LRRC37A3: variants seen among roughly 807,000 people sequenced by gnomAD.
LRRC37A3 encodes leucine-rich repeat-containing protein 37A3.
In LRRC37A3, 25 loss-of-function variants were observed where a neutral mutation model predicts 106.2. The ratio of observed to expected loss-of-function variants is 0.24; its 90% confidence interval spans 0.17 to 0.33. The LOEUF (loss-of-function observed/expected upper bound fraction) is 0.33, where lower values mean the gene tolerates loss of function less well. LRRC37A3 is among the 10% of genes least tolerant of loss of function. The probability of loss-of-function intolerance (pLI) is 1.00; values close to 1 mark genes in which losing one functional copy is unlikely to be tolerated. For missense variants in LRRC37A3, 712 were observed against 1,644.9 expected, an observed-to-expected ratio of 0.43 and a Z score of 9.81; for synonymous variants, 305 against 635.8, an observed-to-expected ratio of 0.48 and a Z score of 7.83.
In LRRC37A3 at chr17:64,919,206, T is replaced by C. The variant is rs867703665; in HGVS notation, c.-617+225A>G. Among the ~76,000 whole-genome samples, 1,410 of 151,688 alleles carry C rather than the reference T, an allele frequency of 9.3e-3. 24 individuals are homozygous for C. Among genetic ancestry groups the C allele is most frequent in the African/African-American group, 0.032 (1,339 of 41,354 alleles). ...CGGCGGCGGGGCCGGGGCGCAGCGCTCCGCAGAGGGAGCCGCGGGCTGCTT... is the reference window on the plus strand; with the variant it reads ...CGGCGGCGGGGCCGGGGCGCAGCGCCCCGCAGAGGGAGCCGCGGGCTGCTT... On this transcript the variant is annotated intron_variant, in intron 1 of 14. Coordinates refer to ENST00000584306, the MANE Select transcript of LRRC37A3 (RefSeq NM_199340.5).
Position 64,862,901 on chromosome 17 carries a change from A to G in LRRC37A3, c.3171T>C (p.Cys1057=). 2 of 1,599,248 alleles carry G rather than the reference A, an allele frequency of 1.3e-6. No homozygotes were observed. The highest frequency in any genetic ancestry group is 1.7e-6 in the Non-Finnish European group (2 of 1,179,786). ...NSACLTNTTH[C]PEEASVGNPE... ...TATCACCATGCAATTTGGACTCACG[A>G]CAATGTGTGGTGTTTGTCAGACATG... The change falls in exon 11 of 15, where the codon TGT becomes TGC. Residue 1057 remains cysteine (C), a splice_region_variant and synonymous_variant. Coordinates refer to ENST00000584306, the MANE Select transcript of LRRC37A3 (RefSeq NM_199340.5).
intron 2 of LRRC37A3, among the ~76,000 whole-genome samples, chr17:64,916,091 A>G (rs145176535): frequency 0.015 from 2,221 of 150,612 alleles, 50 homozygotes; most frequent in African/African-American, 0.051. Context: ...AGCGTGGGTG[A>G]AAGAACGAGA....
chr17:64,893,887 C>T (rs1293613379), intron 4 of LRRC37A3, among the ~76,000 whole-genome samples: 5 of 148,524 alleles, frequency 3.4e-5, no homozygotes, highest in Middle Eastern at 3.4e-3. Flanking sequence ...CTCCTGACCT[C>T]GTGATCCGCC....
At chr17:64,881,275 C>T in intron 8 of LRRC37A3, 1 of 694,622 alleles carries the variant, frequency 1.4e-6, no homozygotes, top group East Asian at 2.7e-5. Context: ...TGAAGTCTCA[C>T]TCTGTTGCCC....
At chr17:64,864,332 T>TA (rs1279578452) in intron 10 of LRRC37A3, among the ~76,000 whole-genome samples, 2 of 152,208 alleles carry the variant, frequency 1.3e-5, no homozygotes, top group Non-Finnish European at 2.9e-5. Context: ...CTTTGACTCT[T>TA]AAAAAATGCC....
intron 2 of LRRC37A3, among the ~76,000 whole-genome samples, chr17:64,915,097 T>G (rs1224184594): frequency 6.6e-6 from 1 of 152,164 alleles, no homozygotes; most frequent in East Asian, 1.9e-4. Context: ...AATAACTTAG[T>G]GTATATTTTA....
At position 64,859,646 on chromosome 17, in the gene LRRC37A3, G is replaced by A; in HGVS notation, c.4500C>T (p.Thr1500=). 1 of 1,613,594 alleles carries A rather than the reference G, an allele frequency of 6.2e-7. No homozygotes were observed. Among genetic ancestry groups the A allele is most frequent in the Non-Finnish European group, 8.5e-7 (1 of 1,179,972 alleles). ...VRRLIAHVIR[T]LKMDCSGAHV... ...GGGCCCCAGAGCAGTCCATCTTCAAGGTCCGGATAACATGAGCAATGAGCC... is the reference window on the plus strand; with the variant it reads ...GGGCCCCAGAGCAGTCCATCTTCAAAGTCCGGATAACATGAGCAATGAGCC... Residue 1500 remains threonine, a synonymous_variant, in exon 12 of 15, where the codon ACC becomes ACT. Coordinates refer to ENST00000584306, the MANE Select transcript of LRRC37A3 (RefSeq NM_199340.5).
In LRRC37A3 at chr17:64,859,904, A is replaced by G. The variant is rs746818828; in HGVS notation, c.4242T>C (p.Ser1414=). 3.7e-6 allele frequency: 6 copies of G among 1,613,520 alleles called. No individual in the cohort carries two copies. Among genetic ancestry groups the G allele is most frequent in the Non-Finnish European group, 5.1e-6 (6 of 1,179,868 alleles). The change falls in exon 12 of 15, where the codon TCT becomes TCC. Residue 1414 remains serine (S), a synonymous_variant. Transcript: ENST00000584306. ...ENTNMPEGTI[S]ENTNYNHPPE... is the part of the protein sequence containing the mutation. The stretch of plus-strand genomic sequence containing the variant: ...GAGGATGATTGTAGTTTGTGTTTTC[A>G]GAGATGGTTCCTTCTGGCATGTTAG...
intron 2 of LRRC37A3, among the ~76,000 whole-genome samples, chr17:64,908,762 G>C (rs1236885146): frequency 1.0e-4 from 13 of 129,146 alleles, no homozygotes; most frequent in Non-Finnish European, 7.7e-5. Context: ...AGGCAACAGA[G>C]ACTCCGTCTC....
chr17:64,860,102 C>T lies in LRRC37A3; in HGVS notation c.4044G>A (p.Lys1348=), dbSNP rs537890026. The T allele has an allele frequency of 6.2e-6, 10 of 1,613,976 alleles. No individual in the cohort carries two copies. In the South Asian group the frequency reaches 9.9e-5, roughly 16 times the overall value. ...CTTGTGAAGGGGAATTTATGAGGCT[C>T]TTCGCTGCAGAGAACGGAAGCCTGT... The part of the protein sequence containing the change: ...LSNRLPFSAA[K]SLINSPSQGA... The change falls in exon 12 of 15, where the codon AAG becomes AAA. Residue 1348 remains lysine (K), a synonymous_variant. Coordinates refer to ENST00000584306, the MANE Select transcript of LRRC37A3 (RefSeq NM_199340.5).
Position 64,860,678 on chromosome 17 carries a change from A to C in LRRC37A3, c.3468T>G (p.Thr1156=), listed in dbSNP as rs373842991. 6.2e-7 allele frequency: 1 copy of C among 1,613,826 alleles called. No individual in the cohort carries two copies. The highest frequency in any genetic ancestry group is 8.5e-7 in the Non-Finnish European group (1 of 1,179,864). The change falls in exon 12 of 15, where the codon ACT becomes ACG. Residue 1156 remains threonine (T), a synonymous_variant. Transcript: ENST00000584306. ...TCAGTCTCTGCCGGTTTTTGCCTAC[A>C]GTTTGAATCTTTGCCAGGCTGTTTC... The part of the protein sequence containing the change: ...TTGNSLAKIQ[T]VGKNRQRLNR...
Position 64,896,205 on chromosome 17 carries a change from CATAGGAGGA to C in LRRC37A3, c.1044_1052del (p.Pro349_Met351del), listed in dbSNP as rs1405146295. 2 of 1,603,340 alleles carry C rather than the reference CATAGGAGGA, an allele frequency of 1.2e-6. No homozygotes were observed. Among genetic ancestry groups the C allele is most frequent in the African/African-American group, 2.9e-5 (2 of 67,868 alleles). Reference sequence around the variant, plus strand: ...GCTCACTGATGGAAAGTTCATGCTCCATAGGAGGAACTGGAGGCTCAATTGGGGCCTCCT... The same window carrying C: ...GCTCACTGATGGAAAGTTCATGCTCCACTGGAGGCTCAATTGGGGCCTCCT... On this transcript the variant is annotated inframe_deletion, in exon 4 of 15. Transcript: ENST00000584306.
chr17:64,872,131 CAAAAAAA>C, intron 8 of LRRC37A3, among the ~76,000 whole-genome samples: 1 of 22,660 alleles, frequency 4.4e-5, no homozygotes, highest in East Asian at 1.1e-3. Context: ...GACTCTGTCT[CAAAAAAA>C]AAAAAAAAAA....
At chr17:64,857,576 G>C (rs1004736704) in intron 13 of LRRC37A3, among the ~76,000 whole-genome samples, 2 of 152,042 alleles carry the variant, frequency 1.3e-5, no homozygotes, top group African/African-American at 2.4e-5. Flanking sequence ...CTGCATCCTC[G>C]ACCTCCCAGG....
In LRRC37A3 at chr17:64,857,126, T is replaced by A. The variant is rs1413470154; in HGVS notation, c.4810-1237A>T. ...GCCAAAGAAGCCTAAGAGAATCAAC[T>A]AAGATTTTACTGGAAGTAATGAGGA... On this transcript the variant is annotated intron_variant, in intron 13 of 14. Coordinates refer to ENST00000584306, the MANE Select transcript of LRRC37A3 (RefSeq NM_199340.5). 2.6e-5 allele frequency among the ~76,000 whole-genome samples: 4 copies of A among 152,256 alleles called. No individual in the cohort carries two copies. The East Asian group carries it at 7.7e-4, about 29-fold the overall frequency.
At chr17:64,913,664 T>C (rs1266105059) in intron 2 of LRRC37A3, among the ~76,000 whole-genome samples, 1 of 151,658 alleles carries the variant, frequency 6.6e-6, no homozygotes. Context: ...AATATAATGA[T>C]TATTACCAGA....
intron 2 of LRRC37A3, among the ~76,000 whole-genome samples, chr17:64,914,722 AG>A (rs1274846513): frequency 6.9e-6 from 1 of 144,078 alleles, no homozygotes; most frequent in Non-Finnish European, 1.5e-5. Context: ...AAAGAAAGAA[AG>A]AAAAATCAAA....
At chr17:64,884,368 A>T (rs1403826578) in intron 8 of LRRC37A3, among the ~76,000 whole-genome samples, 2 of 150,868 alleles carry the variant, frequency 1.3e-5, no homozygotes, top group Non-Finnish European at 2.9e-5. Context: ...TTATTATTAT[A>T]TTATTATTAT....
At chr17:64,869,371 G>A (rs943503154) in intron 8 of LRRC37A3, among the ~76,000 whole-genome samples, 9 of 151,828 alleles carry the variant, frequency 5.9e-5, no homozygotes, top group Non-Finnish European at 1.0e-4. Flanking sequence ...AGGATAGAAC[G>A]CGGGGAAGAA....
Sources: allele counts gnomAD v4.1 joint callset (sites outside exome capture counted in the v4.1 genomes callset), GRCh38; gene constraint gnomAD v4.1.1; transcripts MANE v1.5; gene names NCBI Gene and HGNC (gene_info 2026-07-23, HGNC 2026-07-21).